TXLNB: variants seen among roughly 807,000 people sequenced by gnomAD.
TXLNB encodes beta-taxilin.
In TXLNB, 37 loss-of-function variants were observed where a neutral mutation model predicts 57.4. That is an observed-to-expected ratio of 0.64 (90% confidence interval 0.50 to 0.85). The LOEUF is 0.85. Among genes scored for constraint, TXLNB ranks in the 40% least tolerant of loss-of-function variants. The pLI is 0.00. For synonymous variants in TXLNB, 302 were observed against 309.6 expected (o/e 0.98, Z 0.26); for missense variants, 848 against 825.6 (o/e 1.03, Z -0.33).
chr6:139,298,614 G>A, the TXLNB span, among the ~76,000 whole-genome samples: 1 of 152,170 alleles, frequency 6.6e-6, no homozygotes, highest in Non-Finnish European at 1.5e-5. Context: ...GATTTTAGTG[G>A]CTACTATGGG....
the TXLNB span, among the ~76,000 whole-genome samples, chr6:139,160,899 T>C: frequency 0.55 from 83,204 of 151,836 alleles, 23,700 homozygotes; most frequent in Non-Finnish European, 0.59. Context: ...ATGAGCTGAA[T>C]AGGGCAAGCA....
the TXLNB span, among the ~76,000 whole-genome samples, chr6:139,222,397 T>C: frequency 1.3e-5 from 2 of 152,140 alleles, no homozygotes; most frequent in Non-Finnish European, 2.9e-5. Context: ...ATACTACAGA[T>C]AAAAATAGAT....
At chr6:139,227,749 CATAG>C in the TXLNB span, among the ~76,000 whole-genome samples, 155 of 152,256 alleles carry the variant, frequency 1.0e-3, 1 homozygote, top group Middle Eastern at 3.4e-3. Context: ...ATGAATTGCA[CATAG>C]ATAGTTTTGA....
At chr6:139,280,470 C>T (rs1777019452) in intron 2 of TXLNB, among the ~76,000 whole-genome samples, 1 of 151,838 alleles carries the variant, frequency 6.6e-6, no homozygotes, top group Admixed American at 6.6e-5. Context: ...ATAGTAAAAC[C>T]GCGTCTCTAC....
rs149371555 is a variant in TXLNB at position 139,243,101 on chromosome 6, T to C, written c.1480A>G (p.Asn494Asp). ...VDQEIDAEEV[N>D]SVQTAVKNLA... The stretch of plus-strand genomic sequence containing the variant: ...TTTTTCACGGCGGTTTGGACACTAT[T>C]AACCTCCTCTGCGTCAATCTCTTGA... Residue 494 changes from asparagine to aspartate, a missense_variant, in exon 10 of 10, where the codon AAT becomes GAT. Asn to Asp is a conservative substitution (Grantham distance 23, BLOSUM62 1). Coordinates refer to ENST00000358430, the MANE Select transcript of TXLNB (RefSeq NM_153235.4). The C allele has an allele frequency of 3.1e-5, 50 of 1,614,106 alleles. No individual in the cohort carries two copies. The highest frequency in any genetic ancestry group is 4.2e-5 in the Non-Finnish European group (49 of 1,180,046).
rs556149628 is a variant in TXLNB at position 139,253,740 on chromosome 6, C to CA, written c.1077+1823dup. Among the ~76,000 whole-genome samples, 17 of 152,246 alleles carry CA rather than the reference C, an allele frequency of 1.1e-4. No homozygotes were observed. The South Asian group carries it at 3.3e-3, about 30-fold the overall frequency. On this transcript the variant is annotated intron_variant, in intron 7 of 9. Coordinates refer to ENST00000358430, the MANE Select transcript of TXLNB (RefSeq NM_153235.4). ...TCATTAAAGGCCTCGATTCTGATGC[C>CA]AGCTGAGTGAATCACTCTGTAGCCC...
Position 139,260,434 on chromosome 6 carries a change from G to A in TXLNB, c.886C>T (p.Leu296=). The A allele has an allele frequency of 6.2e-7, 1 of 1,613,154 alleles. No homozygotes were observed. The highest frequency in any genetic ancestry group is 8.5e-7 in the Non-Finnish European group (1 of 1,179,810). Residue 296 remains leucine (L), a synonymous_variant, in exon 6 of 10, where the codon CTG becomes TTG. Transcript: ENST00000358430. ...TCTCTGTGTTTAAATATTTTGTCCA[G>A]ATGCTAAGAAAAATAAAGTGTACAT... The part of the protein sequence containing the change: ...IDQYELREEH[L]DKIFKHRELQ...
At chr6:139,162,128 G>T in the TXLNB span, among the ~76,000 whole-genome samples, 2 of 152,290 alleles carry the variant, frequency 1.3e-5, no homozygotes, top group South Asian at 2.1e-4. Flanking sequence ...TGAGTAAGAG[G>T]CTTCCTCTCC....
chr6:139,188,100 T>G, the TXLNB span, among the ~76,000 whole-genome samples: 1 of 152,160 alleles, frequency 6.6e-6, no homozygotes, highest in East Asian at 1.9e-4. Flanking sequence ...CTAAGAAAGC[T>G]TCCCAGGGGC....
the TXLNB span, among the ~76,000 whole-genome samples, chr6:139,222,760 T>C: frequency 7.2e-5 from 11 of 152,042 alleles, no homozygotes; most frequent in African/African-American, 2.4e-4. Flanking sequence ...TGAGCCGAGA[T>C]TGCGCCACTG....
At chr6:139,308,340 CTAT>C in the TXLNB span, among the ~76,000 whole-genome samples, 1 of 152,188 alleles carries the variant, frequency 6.6e-6, no homozygotes. Flanking sequence ...CACTGCATCA[CTAT>C]ATTGGAAGGA....
the TXLNB span, among the ~76,000 whole-genome samples, chr6:139,229,170 T>A: frequency 6.6e-6 from 1 of 152,188 alleles, no homozygotes; most frequent in Non-Finnish European, 1.5e-5. Flanking sequence ...AAAGAACTCC[T>A]ACAAATGTAC....
the TXLNB span, among the ~76,000 whole-genome samples, chr6:139,195,883 T>G: frequency 6.6e-6 from 1 of 152,058 alleles, no homozygotes; most frequent in East Asian, 1.9e-4. Flanking sequence ...TTTCTCCAAA[T>G]ACGTCTGCTG....
intron 1 of TXLNB, among the ~76,000 whole-genome samples, chr6:139,291,572 G>C (rs1236574416): frequency 6.6e-6 from 1 of 152,098 alleles, no homozygotes; most frequent in Non-Finnish European, 1.5e-5. Context: ...CCCAAAAGTA[G>C]CCTCAAGACA....
In TXLNB at chr6:139,247,183, C is replaced by T. The variant is rs1333642189; in HGVS notation, c.1170+634G>A. 2.6e-5 allele frequency among the ~76,000 whole-genome samples: 4 copies of T among 152,200 alleles called. No individual in the cohort carries two copies. In the South Asian group the frequency reaches 8.3e-4, roughly 32 times the overall value. On this transcript the variant is annotated intron_variant, in intron 8 of 9. Coordinates refer to ENST00000358430, the MANE Select transcript of TXLNB (RefSeq NM_153235.4). ...TTTGAGACAGATTCTCGCTCTGTTG[C>T]CCAGGCTAGAGTGCAGTGGCGTGAT...
At chr6:139,320,078 T>G in the TXLNB span, among the ~76,000 whole-genome samples, 2 of 152,210 alleles carry the variant, frequency 1.3e-5, no homozygotes, top group Admixed American at 6.5e-5. Flanking sequence ...TATAATTTGT[T>G]AAAGTTATTA....
At chr6:139,171,896 A>T in the TXLNB span, among the ~76,000 whole-genome samples, 1 of 150,340 alleles carries the variant, frequency 6.7e-6, no homozygotes, top group African/African-American at 2.5e-5. Flanking sequence ...CAATGGTGCT[A>T]TCTCGGCTCA....
At chr6:139,271,605 TTTG>T (rs1776765918) in intron 3 of TXLNB, 1 of 152,224 alleles carries the variant, frequency 6.6e-6, no homozygotes, top group Non-Finnish European at 1.5e-5. Context: ...CAAAAAGTTA[TTTG>T]TTGTTTGTCT....
the TXLNB span, among the ~76,000 whole-genome samples, chr6:139,320,483 A>G: frequency 6.6e-6 from 1 of 152,198 alleles, no homozygotes; most frequent in Admixed American, 6.5e-5. Context: ...CTAAAATATT[A>G]CCATCACCAA....
Sources: gnomAD v4.1 joint callset for allele counts (sites outside exome capture counted in the v4.1 genomes callset) on GRCh38, gnomAD v4.1.1 for gene constraint, MANE v1.5 for transcripts, NCBI Gene and HGNC (gene_info 2026-07-23, HGNC 2026-07-21) for gene names.